Variants in SNX29 observed in about 807,000 individuals in gnomAD.
The protein encoded by SNX29 is sorting nexin-29.
Under a neutral mutation model 102.1 loss-of-function variants are expected in SNX29, and 78 were observed. That is an observed-to-expected ratio of 0.76 (90% CI 0.64 to 0.92). SNX29 has a LOEUF of 0.92. Among genes scored for constraint, SNX29 ranks in the 40% least tolerant of loss-of-function variants. The pLI, the probability that SNX29 is intolerant of heterozygous loss-of-function variation, is 0.00. For missense variants in SNX29, 1,280 were observed against 1,061.7 expected (o/e 1.21, Z -2.86); for synonymous variants, 580 against 414.5 (o/e 1.40, Z -4.85).
At chr16:12,538,690 C>A (rs775592448) in intron 20 of SNX29, among the ~76,000 whole-genome samples, 1 of 152,072 alleles carries the variant, frequency 6.6e-6, no homozygotes, top group East Asian at 1.9e-4. Flanking sequence ...CTCCCAGGAC[C>A]AGTGGGCGAG....
At chr16:12,365,705 G>T (rs1299829063) in intron 16 of SNX29, among the ~76,000 whole-genome samples, 1 of 146,210 alleles carries the variant, frequency 6.8e-6, no homozygotes, top group Non-Finnish European at 1.5e-5. Flanking sequence ...AAAAAAAAAG[G>T]CTCTTTGGAA....
At chr16:12,320,383 C>A (rs2080892652) in intron 15 of SNX29, among the ~76,000 whole-genome samples, 1 of 152,028 alleles carries the variant, frequency 6.6e-6, no homozygotes, top group Non-Finnish European at 1.5e-5. Flanking sequence ...TGCCTGTGCC[C>A]AGCATGGGGG....
At chr16:12,388,655 G>T (rs1241609409) in intron 16 of SNX29, among the ~76,000 whole-genome samples, 16 of 152,320 alleles carry the variant, frequency 1.1e-4, no homozygotes, top group African/African-American at 3.8e-4. Context: ...ATACATAACT[G>T]GCTGAGTGGG....
rs181963420 is a variant in SNX29, at chr16:12,339,349, C to T, written c.1783-16814C>T. On this transcript the variant is annotated intron_variant, in intron 15 of 20. Transcript: ENST00000566228. Reference sequence around the variant, plus strand: ...TCGTGCCATTGCACTCCAGCCTGGGCGACAGAGTGAGATTCTGTCTCAAAA... The same window carrying T: ...TCGTGCCATTGCACTCCAGCCTGGGTGACAGAGTGAGATTCTGTCTCAAAA... Among the ~76,000 whole-genome samples, 1,049 of 117,454 alleles carry T rather than the reference C, an allele frequency of 8.9e-3. 10 individuals carry two copies. Among genetic ancestry groups the T allele is most frequent in the Non-Finnish European group, 0.01 (636 of 62,102 alleles). The allele number at this position is 117,454 out of a possible 152,430, so 77.1% of individuals were successfully genotyped here.
intron 18 of SNX29, among the ~76,000 whole-genome samples, chr16:12,461,981 ATATATAT>A (rs1161206684): frequency 0.01 from 422 of 40,232 alleles, 16 homozygotes; most frequent in South Asian, 0.026. Flanking sequence ...AAAAAAAAAT[ATATATAT>A]ATATATATAT....
chr16:12,069,011 G>A (rs2051167706), intron 9 of SNX29, 46 bp from the exon 10 acceptor site: 3 of 1,568,902 alleles, frequency 1.9e-6, no homozygotes, highest in South Asian at 2.2e-5. Flanking sequence ...TGGAGAACAT[G>A]TAGTGAGAAA....
intron 19 of SNX29, chr16:12,515,671 C>G (rs959067490): frequency 2.1e-6 from 1 of 479,120 alleles, no homozygotes; most frequent in Non-Finnish European, 4.2e-6. Context: ...TGCCAGCACT[C>G]TTTATGATGT....
chr16:12,403,507 C>A lies in SNX29; in HGVS notation c.2015C>A (p.Ala672Glu). 1 of 1,607,732 alleles carries A rather than the reference C, an allele frequency of 6.2e-7. No individual in the cohort carries two copies. Among genetic ancestry groups the A allele is most frequent in the Non-Finnish European group, 8.5e-7 (1 of 1,177,088 alleles). The change falls in exon 18 of 21, where the codon GCA becomes GAA. Residue 672 changes from alanine (A) to glutamate (E), a missense_variant. Physicochemically the swap from Ala to Glu is moderately radical, Grantham distance 107. Transcript: ENST00000566228. Reference sequence around the variant, plus strand: ...TCAGTGTTTCTCCGGGGCAAAGCAGCAAATGCATTCCACGTGTATCAGGTG... The same window carrying A: ...TCAGTGTTTCTCCGGGGCAAAGCAGAAAATGCATTCCACGTGTATCAGGTG... ...IPSVFLRGKA[A>E]NAFHVYQVYI...
intron 14 of SNX29, among the ~76,000 whole-genome samples, chr16:12,206,239 C>G (rs541635589): frequency 1.6e-4 from 24 of 152,136 alleles, no homozygotes; most frequent in Non-Finnish European, 3.2e-4. Flanking sequence ...AAGAGAAGTC[C>G]AGGAGTATCT....
chr16:12,479,032 C>G (rs770806192), intron 19 of SNX29, among the ~76,000 whole-genome samples: 63 of 152,200 alleles, frequency 4.1e-4, no homozygotes, highest in Non-Finnish European at 7.9e-4. Flanking sequence ...AGCATGATCT[C>G]TCTGCCATGG....
intron 15 of SNX29, among the ~76,000 whole-genome samples, chr16:12,341,993 C>T (rs1236424233): frequency 1.3e-5 from 2 of 152,166 alleles, no homozygotes; most frequent in Admixed American, 6.5e-5. Context: ...GCTTGAGACC[C>T]CAGCTTCATA....
At chr16:12,156,758 C>T (rs537530946) in intron 13 of SNX29, among the ~76,000 whole-genome samples, 431 of 152,346 alleles carry the variant, frequency 2.8e-3, no homozygotes, top group Non-Finnish European at 5.2e-3. Flanking sequence ...AATTGATTCT[C>T]AGGGCTGTCT....
chr16:12,078,297 A>G lies in SNX29; in HGVS notation c.1320-536A>G, dbSNP rs1295361192. Among the ~76,000 whole-genome samples the G allele has an allele frequency of 2.0e-5, 3 of 152,086 alleles. No homozygotes were observed. In the East Asian group the frequency reaches 5.8e-4, roughly 29 times the overall value. Reference sequence around the variant, plus strand: ...TGAGACCAGTCTGGCCAACTTGGCGAAACCCCATTTCTAGTAAAAATACAA... The same window carrying G: ...TGAGACCAGTCTGGCCAACTTGGCGGAACCCCATTTCTAGTAAAAATACAA... On this transcript the variant is annotated intron_variant, in intron 10 of 20. Coordinates refer to ENST00000566228, the MANE Select transcript of SNX29 (RefSeq NM_032167.5).
intron 20 of SNX29, among the ~76,000 whole-genome samples, chr16:12,566,578 C>T (rs919028178): frequency 2.0e-5 from 3 of 152,204 alleles, no homozygotes; most frequent in Non-Finnish European, 2.9e-5. Flanking sequence ...CTGACTTTTA[C>T]ATCCAAGCCT....
Position 12,295,060 on chromosome 16 carries a change from T to C in SNX29, c.1782+17024T>C, listed in dbSNP as rs568112403. Among the ~76,000 whole-genome samples the C allele has an allele frequency of 1.8e-4, 27 of 152,316 alleles. 1 individual carries two copies. The highest frequency in any genetic ancestry group is 9.6e-4 in the East Asian group (5 of 5,188). Reference sequence around the variant, plus strand: ...AAACCAACACATCTCGTGAGACTTATTCTCTACCACAAGAACAGTATGGGG... The same window carrying C: ...AAACCAACACATCTCGTGAGACTTACTCTCTACCACAAGAACAGTATGGGG... On this transcript the variant is annotated intron_variant, in intron 15 of 20. Transcript: ENST00000566228.
intron 15 of SNX29, among the ~76,000 whole-genome samples, chr16:12,295,249 T>C (rs1050450925): frequency 6.6e-6 from 1 of 152,186 alleles, no homozygotes; most frequent in Non-Finnish European, 1.5e-5. Flanking sequence ...GGGTTGACTT[T>C]CCTAGGATGA....
At position 12,260,629 on chromosome 16, in the gene SNX29, C is replaced by T. The variant is rs556702197; in HGVS notation, c.1679-17304C>T. On this transcript the variant is annotated intron_variant, in intron 14 of 20. Transcript: ENST00000566228. ...GTTCCACCTTCTCCGTCTGCTTGCTCTCCAGGGCTTTCTTAGCCAGGTCCC... is the reference window on the plus strand; with the variant it reads ...GTTCCACCTTCTCCGTCTGCTTGCTTTCCAGGGCTTTCTTAGCCAGGTCCC... Among the ~76,000 whole-genome samples the T allele has an allele frequency of 5.4e-5, 5 of 92,098 alleles. No homozygotes were observed. The Admixed American group carries it at 5.8e-4, about 11-fold the overall frequency. The allele number at this position is 92,098 out of a possible 152,430, so 60.4% of individuals were successfully genotyped here.
intron 18 of SNX29, among the ~76,000 whole-genome samples, chr16:12,461,993 A>ATATC (rs1223172817): frequency 1.5e-5 from 1 of 65,832 alleles, no homozygotes; most frequent in Non-Finnish European, 2.6e-5. Context: ...ATATATATAT[A>ATATC]TATATATATA....
intron 15 of SNX29, among the ~76,000 whole-genome samples, chr16:12,328,070 A>T (rs1016091221): frequency 6.6e-6 from 1 of 152,138 alleles, no homozygotes; most frequent in Non-Finnish European, 1.5e-5. Context: ...CACTTTCCAG[A>T]GCCTCGGGTT....
Sources: gnomAD v4.1 joint callset for allele counts (sites outside exome capture counted in the v4.1 genomes callset) on GRCh38, gnomAD v4.1.1 for gene constraint, MANE v1.5 for transcripts, NCBI Gene and HGNC (gene_info 2026-07-23, HGNC 2026-07-21) for gene names.